PLA2G4A: variants seen among roughly 807,000 people sequenced by gnomAD.
PLA2G4A encodes the protein phospholipase A2 group IVA.
PLA2G4A carries 40 observed loss-of-function variants against 81.9 expected under a neutral mutation model. The observed-to-expected ratio is 0.49, with a 90% CI of 0.38 to 0.64. The LOEUF (loss-of-function observed/expected upper bound fraction) is 0.64. Ranked by LOEUF, PLA2G4A falls within the 30% of genes least tolerant of loss-of-function variation. The probability of loss-of-function intolerance (pLI) is 0.00; values close to 1 mark genes in which losing one functional copy is unlikely to be tolerated. For synonymous variants in PLA2G4A, 302 were observed against 296.9 expected (o/e 1.02, Z -0.18); for missense variants, 715 against 905.1 (o/e 0.79, Z 2.69).
rs1417721598 is a variant in PLA2G4A, at chr1:186,987,661, C to A, written c.2119-716C>A. Among the ~76,000 whole-genome samples the A allele has an allele frequency of 3.3e-5, 5 of 152,324 alleles. No homozygotes were observed. In the South Asian group the frequency reaches 1.0e-3, roughly 32 times the overall value. On this transcript the variant is annotated intron_variant, in intron 17 of 17. Coordinates refer to ENST00000367466, the MANE Select transcript of PLA2G4A (RefSeq NM_024420.3). ...TCTACCAAATTCTGAATGTTCTCTT[C>A]TTTCCCCAAATTCTAACTAGGTTAA...
intron 15 of PLA2G4A, among the ~76,000 whole-genome samples, chr1:186,972,603 T>A (rs1032438733): frequency 1.6e-4 from 25 of 152,208 alleles, no homozygotes; most frequent in African/African-American, 6.0e-4. Context: ...TTATATTGTG[T>A]TGCCATACGT....
intron 7 of PLA2G4A, among the ~76,000 whole-genome samples, chr1:186,930,680 C>A (rs566830793): frequency 1.3e-5 from 2 of 152,246 alleles, no homozygotes; most frequent in East Asian, 3.9e-4. Context: ...TTAACCATAC[C>A]TATAGACTCA....
intron 2 of PLA2G4A, among the ~76,000 whole-genome samples, chr1:186,856,610 T>G (rs1056169289): frequency 6.6e-6 from 1 of 152,076 alleles, no homozygotes; most frequent in Non-Finnish European, 1.5e-5. Context: ...CAGGCTGGTA[T>G]TGAACTCCTG....
At chr1:186,904,103 C>T (rs1654645518) in intron 5 of PLA2G4A, among the ~76,000 whole-genome samples, 1 of 152,166 alleles carries the variant, frequency 6.6e-6, no homozygotes, top group African/African-American at 2.4e-5. Context: ...TTTATCTCCT[C>T]CAGTTCTCCA....
At chr1:186,896,545 G>T (rs961999352) in intron 5 of PLA2G4A, among the ~76,000 whole-genome samples, 9 of 152,154 alleles carry the variant, frequency 5.9e-5, no homozygotes, top group Non-Finnish European at 1.2e-4. Flanking sequence ...AGCATGGATT[G>T]GACCTCCTGA....
chr1:186,880,790 T>G (rs1490117443), intron 3 of PLA2G4A, among the ~76,000 whole-genome samples: 1 of 152,030 alleles, frequency 6.6e-6, no homozygotes, highest in Non-Finnish European at 1.5e-5. Flanking sequence ...CCAAGAAACA[T>G]CCGTACATTC....
intron 6 of PLA2G4A, among the ~76,000 whole-genome samples, chr1:186,907,332 C>T (rs183072019): frequency 1.5e-4 from 23 of 152,188 alleles, no homozygotes; most frequent in Admixed American, 2.6e-4. Flanking sequence ...GTTATTTAAG[C>T]GCCTCTTCTA....
intron 3 of PLA2G4A, among the ~76,000 whole-genome samples, chr1:186,884,685 C>T (rs1313008910): frequency 6.6e-6 from 1 of 151,914 alleles, no homozygotes; most frequent in Non-Finnish European, 1.5e-5. Flanking sequence ...GAGACCAGGC[C>T]TGGACAACAT....
Position 186,893,989 on chromosome 1 carries a change from T to G in PLA2G4A, c.265-109T>G, listed in dbSNP as rs1358594860. ...AAATATTGAGATCTTCAAGGACTCTTAAATATCATTTGAGAGCTTCATTTT... is the reference window on the plus strand; with the variant it reads ...AAATATTGAGATCTTCAAGGACTCTGAAATATCATTTGAGAGCTTCATTTT... On this transcript the variant is annotated intron_variant, in intron 4 of 17. Transcript: ENST00000367466. 7 of 705,480 alleles carry G rather than the reference T, an allele frequency of 9.9e-6. No individual in the cohort carries two copies. The Admixed American group carries it at 1.4e-4, about 15-fold the overall frequency. 43.7% of individuals were successfully genotyped at this position (705,480 alleles called of 1,614,324 possible).
intron 9 of PLA2G4A, among the ~76,000 whole-genome samples, chr1:186,939,492 G>A (rs1466909303): frequency 6.3e-5 from 9 of 143,148 alleles, no homozygotes; most frequent in Admixed American, 7.1e-5. Context: ...CTTTTCTCTG[G>A]AAAAAAAAAA....
intron 3 of PLA2G4A, among the ~76,000 whole-genome samples, chr1:186,889,966 C>A (rs1378637915): frequency 6.6e-6 from 1 of 152,156 alleles, no homozygotes; most frequent in African/African-American, 2.4e-5. Context: ...TGACCTGATA[C>A]TTATTAGCTA....
At chr1:186,980,150 G>C (rs1264954394) in intron 17 of PLA2G4A, among the ~76,000 whole-genome samples, 1 of 151,972 alleles carries the variant, frequency 6.6e-6, no homozygotes, top group Non-Finnish European at 1.5e-5. Context: ...GGGTTTCACC[G>C]TGTTAGTCTC....
intron 1 of PLA2G4A, among the ~76,000 whole-genome samples, chr1:186,840,126 C>A (rs1651928293): frequency 2.0e-5 from 3 of 151,560 alleles, no homozygotes; most frequent in Admixed American, 2.0e-4. Context: ...TTACAGGTGC[C>A]CACCACCATG....
chr1:186,860,646 T>G (rs1459582690), intron 2 of PLA2G4A, among the ~76,000 whole-genome samples: 1 of 152,196 alleles, frequency 6.6e-6, no homozygotes, highest in Non-Finnish European at 1.5e-5. Flanking sequence ...GAAATTGATG[T>G]GTAAAATTAA....
rs12720502 is a variant in PLA2G4A, at chr1:186,862,290, T to C, written c.33+7903T>C. On this transcript the variant is annotated intron_variant, in intron 2 of 17. Transcript: ENST00000367466. ...AGTGCAGTGGTGAGATCTTGGCTCA[T>C]TGCAGCCTCTGCCTCCCGGGTTCAA... Among the ~76,000 whole-genome samples, 967 of 145,926 alleles carry C rather than the reference T, an allele frequency of 6.6e-3. 21 individuals are homozygous for C. The highest frequency in any genetic ancestry group is 0.06 in the East Asian group (297 of 4,960).
At chr1:186,872,219 A>C (rs1653299191) in intron 3 of PLA2G4A, among the ~76,000 whole-genome samples, 1 of 152,036 alleles carries the variant, frequency 6.6e-6, no homozygotes, top group African/African-American at 2.4e-5. Flanking sequence ...AGTTATTCTT[A>C]TTTTGCTTTT....
intron 3 of PLA2G4A, among the ~76,000 whole-genome samples, chr1:186,883,461 A>G (rs1186482696): frequency 6.6e-6 from 1 of 152,134 alleles, no homozygotes; most frequent in Non-Finnish European, 1.5e-5. Flanking sequence ...ATGTCATGTG[A>G]TATGAGGGGT....
chr1:186,978,429 G>A (rs1373089908), intron 16 of PLA2G4A, among the ~76,000 whole-genome samples: 1 of 152,060 alleles, frequency 6.6e-6, no homozygotes, highest in Admixed American at 6.5e-5. Context: ...TTTTATAAAT[G>A]GAAAGACACA....
chr1:186,923,008 A>G (rs990993010), intron 7 of PLA2G4A, among the ~76,000 whole-genome samples: 1 of 152,146 alleles, frequency 6.6e-6, no homozygotes. Context: ...ATGTTTAACT[A>G]CCAGGTCCAG....
Sources: allele counts gnomAD v4.1 joint callset (sites outside exome capture counted in the v4.1 genomes callset), GRCh38; gene constraint gnomAD v4.1.1; transcripts MANE v1.5; gene names NCBI Gene and HGNC (gene_info 2026-07-23, HGNC 2026-07-21).